The following CCDC85A variants were observed in gnomAD, a reference collection of about 807,000 sequenced individuals.
CCDC85A encodes coiled-coil domain containing 85A, also known as coiled-coil domain-containing protein 85A.
In CCDC85A, 38 loss-of-function variants were observed where a neutral mutation model predicts 50.2. That is an observed-to-expected ratio of 0.76 (90% CI 0.58 to 0.99). CCDC85A has a LOEUF of 0.99. Among genes scored for constraint, CCDC85A ranks in the 50% least tolerant of loss-of-function variants. The probability of loss-of-function intolerance (pLI) is 0.00; values close to 1 mark genes in which losing one functional copy is unlikely to be tolerated. For synonymous variants in CCDC85A, 366 were observed against 301.4 expected (o/e 1.21, Z -2.22); for missense variants, 820 against 742.0 (o/e 1.11, Z -1.22).
At chr2:56,324,469 G>A (rs1166570768) in intron 2 of CCDC85A, among the ~76,000 whole-genome samples, 1 of 151,846 alleles carries the variant, frequency 6.6e-6, no homozygotes, top group Non-Finnish European at 1.5e-5. Context: ...ACACTCCTCT[G>A]GCCAGTCTCC....
rs146712153 is a variant in CCDC85A, at chr2:56,347,809, C to T, written c.1317+4854C>T. ...TTGATTTTTAGCCCAAATTCAAAAA[C>T]CTTGCTTAGCTCTTTCTACTCCATT... On this transcript the variant is annotated intron_variant, in intron 3 of 5. Coordinates refer to ENST00000407595, the MANE Select transcript of CCDC85A (RefSeq NM_001080433.2). 3.3e-5 allele frequency among the ~76,000 whole-genome samples: 5 copies of T among 152,226 alleles called. No individual in the cohort carries two copies. The East Asian group carries it at 9.7e-4, about 29-fold the overall frequency.
intron 2 of CCDC85A, among the ~76,000 whole-genome samples, chr2:56,253,383 A>T (rs1303897616): frequency 1.3e-5 from 2 of 152,134 alleles, no homozygotes; most frequent in African/African-American, 4.8e-5. Flanking sequence ...GTTTCCAGGC[A>T]AGAGATCTCA....
intron 2 of CCDC85A, among the ~76,000 whole-genome samples, chr2:56,222,947 G>A (rs963617103): frequency 6.6e-6 from 1 of 152,098 alleles, no homozygotes; most frequent in Non-Finnish European, 1.5e-5. Flanking sequence ...ATACATTCCT[G>A]ATTTTAAACC....
rs75855567 is a variant in CCDC85A at position 56,373,810 on chromosome 2, A to G, written c.1452+1332A>G. On this transcript the variant is annotated intron_variant, in intron 4 of 5. Transcript: ENST00000407595. ...AGAAATCTTTTGAAAAGCATTCATA[A>G]GAGTGGTACCAGGAGGAAAAGAGAA... Among the ~76,000 whole-genome samples, 214 of 152,352 alleles carry G rather than the reference A, an allele frequency of 1.4e-3. 2 individuals are homozygous for G. Among genetic ancestry groups the G allele is most frequent in the Non-Finnish European group, 2.8e-3 (193 of 68,038 alleles).
Position 56,375,872 on chromosome 2 carries a change from A to C in CCDC85A, c.1509A>C (p.Ala503=). Residue 503 remains alanine (A), a synonymous_variant, in exon 5 of 6, where the codon GCA becomes GCC. Coordinates refer to ENST00000407595, the MANE Select transcript of CCDC85A (RefSeq NM_001080433.2). ...GGAGTAACAGTTCACCCAACTCTGC[A>C]GCTAGCTTCAGTGGACATGCCACAC... is the stretch of plus-strand genomic sequence containing the variant. ...ADGSNSSPNS[A]ASFSGHATPS... is the part of the protein sequence containing the mutation. 1 of 1,613,814 alleles carries C rather than the reference A, an allele frequency of 6.2e-7. No individual in the cohort carries two copies. The highest frequency in any genetic ancestry group is 8.5e-7 in the Non-Finnish European group (1 of 1,179,790).
At chr2:56,268,621 A>T (rs1231382997) in intron 2 of CCDC85A, among the ~76,000 whole-genome samples, 2 of 151,458 alleles carry the variant, frequency 1.3e-5, no homozygotes, top group East Asian at 3.9e-4. Context: ...AAAAGAAAAG[A>T]AAAGAAGAAA....
intron 5 of CCDC85A, among the ~76,000 whole-genome samples, chr2:56,380,136 C>T (rs10193258): frequency 1 from 151,689 of 152,286 alleles, 75,549 homozygotes; most frequent in Middle Eastern, 1. Context: ...TTTCTAATTT[C>T]GATAAAATAA....
intron 5 of CCDC85A, among the ~76,000 whole-genome samples, chr2:56,379,594 G>A: frequency 6.6e-6 from 1 of 152,116 alleles, no homozygotes; most frequent in East Asian, 1.9e-4. Flanking sequence ...AGAACAATCA[G>A]CTATTTAAAA....
In CCDC85A at chr2:56,192,932, C is replaced by T; in HGVS notation, c.732C>T (p.Gly244=). ...ACCTGCAGAAGCCCCGGAGCGAGGG[C>T]AGCCCGGAGCACTCCAAGCACAGGA... The part of the protein sequence containing the change: ...PEHLQKPRSE[G]SPEHSKHRSA... Residue 244 remains glycine (G), a synonymous_variant, in exon 2 of 6, where the codon GGC becomes GGT. Transcript: ENST00000407595. This position sits in a 1 kb window ranked among gnomAD's most constrained non-coding sequence, Gnocchi z 4.7. 1 of 1,613,480 alleles carries T rather than the reference C, an allele frequency of 6.2e-7. No homozygotes were observed. Among genetic ancestry groups the T allele is most frequent in the Non-Finnish European group, 8.5e-7 (1 of 1,179,760 alleles).
chr2:56,190,122 A>T (rs746627623), intron 1 of CCDC85A, among the ~76,000 whole-genome samples: 6 of 152,202 alleles, frequency 3.9e-5, no homozygotes, highest in African/African-American at 1.2e-4. Context: ...TTTTTAGTCT[A>T]TGTTAAGGGC....
chr2:56,266,770 C>T lies in CCDC85A; in HGVS notation c.1240+73330C>T, dbSNP rs76863793. ...TCTCTGTCCCTTTGCCTCCCTGTGG[C>T]GTCTATTGTTGCCTACTTATAGATC... On this transcript the variant is annotated intron_variant, in intron 2 of 5. Transcript: ENST00000407595. Among the ~76,000 whole-genome samples the T allele has an allele frequency of 1.5e-4, 23 of 152,160 alleles. No homozygotes were observed. The East Asian group carries it at 2.7e-3, about 18-fold the overall frequency.
intron 2 of CCDC85A, among the ~76,000 whole-genome samples, chr2:56,319,649 A>G (rs1673076698): frequency 6.6e-6 from 1 of 152,138 alleles, no homozygotes; most frequent in Admixed American, 6.6e-5. Context: ...TACCAAGTAA[A>G]TCTGCATTTT....
intron 4 of CCDC85A, among the ~76,000 whole-genome samples, chr2:56,375,083 G>T (rs533795637): frequency 2.6e-5 from 4 of 151,986 alleles, no homozygotes; most frequent in Non-Finnish European, 5.9e-5. Flanking sequence ...TTTCTTTACT[G>T]ATCCATTAGT....
At chr2:56,283,374 T>G (rs1219928410) in intron 2 of CCDC85A, among the ~76,000 whole-genome samples, 1 of 152,198 alleles carries the variant, frequency 6.6e-6, no homozygotes, top group Admixed American at 6.5e-5. Context: ...GTGGTGACAA[T>G]ATGGCTTTTC....
intron 2 of CCDC85A, among the ~76,000 whole-genome samples, chr2:56,232,741 C>T (rs1272036110): frequency 6.6e-6 from 1 of 152,162 alleles, no homozygotes; most frequent in Non-Finnish European, 1.5e-5. Flanking sequence ...CCCCTCACCA[C>T]TCCACATCCA....
At chr2:56,188,711 T>A (rs1676157884) in intron 1 of CCDC85A, among the ~76,000 whole-genome samples, 1 of 152,252 alleles carries the variant, frequency 6.6e-6, no homozygotes, top group Non-Finnish European at 1.5e-5. Flanking sequence ...TTTATTTTCT[T>A]ACTACTGTAG....
intron 2 of CCDC85A, among the ~76,000 whole-genome samples, chr2:56,341,011 A>T (rs867812747): frequency 1.5e-4 from 23 of 152,086 alleles, no homozygotes; most frequent in Middle Eastern, 3.4e-3. Flanking sequence ...GGTTTTATAC[A>T]TTGGCGTACT....
At chr2:56,287,834 T>C (rs765554408) in intron 2 of CCDC85A, among the ~76,000 whole-genome samples, 5 of 152,216 alleles carry the variant, frequency 3.3e-5, no homozygotes, top group Non-Finnish European at 7.4e-5. Flanking sequence ...ATTCTGTGCA[T>C]ATAAATGTGG....
intron 2 of CCDC85A, among the ~76,000 whole-genome samples, chr2:56,330,437 AT>A (rs1193457717): frequency 1.3e-5 from 2 of 152,184 alleles, no homozygotes; most frequent in Non-Finnish European, 2.9e-5. Context: ...ATCTTGAATA[AT>A]TGCTTCAAAC....
Sources: allele counts gnomAD v4.1 joint callset (sites outside exome capture counted in the v4.1 genomes callset), GRCh38; gene constraint gnomAD v4.1.1; non-coding constraint Gnocchi (gnomAD v3.1); transcripts MANE v1.5; gene names NCBI Gene and HGNC (gene_info 2026-07-23, HGNC 2026-07-21).